The following NKAIN2 variants were observed in gnomAD, a reference collection of about 807,000 sequenced individuals.
The protein encoded by NKAIN2 is sodium/potassium-transporting ATPase subunit beta-1-interacting protein 2.
A neutral mutation model predicts 32.6 loss-of-function variants in NKAIN2; 14 were observed. That is an observed-to-expected ratio of 0.43 (90% CI 0.28 to 0.67). NKAIN2 has a LOEUF of 0.67. Ranked by LOEUF, NKAIN2 falls within the 30% of genes least tolerant of loss-of-function variation. NKAIN2 has a pLI of 0.17. For missense variants in NKAIN2, 198 were observed against 258.3 expected (o/e 0.77, Z 1.60); for synonymous variants, 80 against 87.2 (o/e 0.92, Z 0.46).
chr6:124,352,282 T>TAA (rs2115133184), intron 2 of NKAIN2, among the ~76,000 whole-genome samples: 1 of 152,324 alleles, frequency 6.6e-6, no homozygotes, highest in South Asian at 2.1e-4. Flanking sequence ...ACTTGATTTT[T>TAA]AACCAAACTA....
At chr6:124,700,939 A>G (rs1321388894) in intron 4 of NKAIN2, among the ~76,000 whole-genome samples, 1 of 149,102 alleles carries the variant, frequency 6.7e-6, no homozygotes, top group Admixed American at 6.7e-5. Context: ...GTATGCGTGA[A>G]TATAGAAAAT....
intron 3 of NKAIN2, among the ~76,000 whole-genome samples, chr6:124,608,213 G>A (rs1416089358): frequency 6.6e-6 from 1 of 152,060 alleles, no homozygotes; most frequent in Non-Finnish European, 1.5e-5. Context: ...TCTTACCCAT[G>A]TTGTTTGTTT....
chr6:123,829,840 T>C (rs1263353111), intron 1 of NKAIN2, among the ~76,000 whole-genome samples: 1 of 152,208 alleles, frequency 6.6e-6, no homozygotes, highest in Non-Finnish European at 1.5e-5. Context: ...TAACTAATCA[T>C]GCAGACAAAC....
intron 1 of NKAIN2, among the ~76,000 whole-genome samples, chr6:124,099,129 G>A (rs901689147): frequency 1.1e-4 from 17 of 151,988 alleles, no homozygotes; most frequent in Admixed American, 7.9e-4. Context: ...CTATGTTGAA[G>A]AAAATATACA....
intron 3 of NKAIN2, among the ~76,000 whole-genome samples, chr6:124,592,438 C>A (rs116673682): frequency 0.014 from 2,202 of 152,190 alleles, 63 homozygotes; most frequent in African/African-American, 0.05. Context: ...ATTTACAGGC[C>A]ACTATTTAAA....
chr6:124,312,669 C>A (rs187416550), intron 2 of NKAIN2, among the ~76,000 whole-genome samples: 2 of 152,100 alleles, frequency 1.3e-5, no homozygotes, highest in Non-Finnish European at 2.9e-5. Flanking sequence ...GTGTCCTCTT[C>A]GGTCTTTTAT....
intron 1 of NKAIN2, among the ~76,000 whole-genome samples, chr6:124,262,474 A>G (rs1398424467): frequency 6.6e-6 from 1 of 152,220 alleles, no homozygotes; most frequent in Admixed American, 6.5e-5. Context: ...TGTCTTCTAA[A>G]GAAAAGTTGG....
chr6:124,590,611 A>G (rs1210150531), intron 3 of NKAIN2, among the ~76,000 whole-genome samples: 2 of 152,180 alleles, frequency 1.3e-5, no homozygotes, highest in Non-Finnish European at 2.9e-5. Context: ...GGCAAGCATC[A>G]TGGTGGCATT....
chr6:124,655,376 G>C (rs547754233), intron 3 of NKAIN2, among the ~76,000 whole-genome samples: 1 of 151,968 alleles, frequency 6.6e-6, no homozygotes, highest in East Asian at 1.9e-4. Context: ...TTGTTTTAAT[G>C]GTATATGTTT....
intron 4 of NKAIN2, among the ~76,000 whole-genome samples, chr6:124,723,511 T>C (rs1451408581): frequency 1.3e-5 from 2 of 152,264 alleles, no homozygotes; most frequent in Non-Finnish European, 2.9e-5. Flanking sequence ...TTGAGGCTTT[T>C]AGATTGACTA....
At chr6:124,101,932 C>T (rs1042942978) in intron 1 of NKAIN2, among the ~76,000 whole-genome samples, 1 of 152,154 alleles carries the variant, frequency 6.6e-6, no homozygotes, top group Non-Finnish European at 1.5e-5. Context: ...TAGGGCAAAA[C>T]TTCCTGGGAT....
At chr6:124,268,344 G>C (rs1252519446) in intron 1 of NKAIN2, among the ~76,000 whole-genome samples, 1 of 152,172 alleles carries the variant, frequency 6.6e-6, no homozygotes, top group Non-Finnish European at 1.5e-5. Flanking sequence ...GCTTTAGAGA[G>C]TTCCTAAGCA....
At chr6:124,418,104 C>T (rs929723369) in intron 3 of NKAIN2, among the ~76,000 whole-genome samples, 3 of 151,596 alleles carry the variant, frequency 2.0e-5, no homozygotes, top group Non-Finnish European at 4.4e-5. Flanking sequence ...TATATTTCAG[C>T]TTCGCTTTCA....
chr6:124,577,789 A>G (rs1277188320), intron 3 of NKAIN2, among the ~76,000 whole-genome samples: 1 of 152,114 alleles, frequency 6.6e-6, no homozygotes, highest in Non-Finnish European at 1.5e-5. Flanking sequence ...TCACAGCTCT[A>G]GGAGAGACTC....
intron 3 of NKAIN2, among the ~76,000 whole-genome samples, chr6:124,481,157 C>G (rs910138732): frequency 6.9e-6 from 1 of 144,084 alleles, no homozygotes; most frequent in African/African-American, 2.6e-5. Flanking sequence ...GATTTCCTGG[C>G]AGGTTAGAGT....
At chr6:124,390,012 A>T (rs911886737) in intron 3 of NKAIN2, among the ~76,000 whole-genome samples, 1 of 152,032 alleles carries the variant, frequency 6.6e-6, no homozygotes, top group Non-Finnish European at 1.5e-5. Flanking sequence ...CTGAAGGCTT[A>T]GGTTATGTTA....
At chr6:124,527,338 A>G (rs1045466653) in intron 3 of NKAIN2, among the ~76,000 whole-genome samples, 3 of 152,178 alleles carry the variant, frequency 2.0e-5, no homozygotes, top group Non-Finnish European at 4.4e-5. Flanking sequence ...TTACGTTTTT[A>G]TTTTAAGCCC....
At chr6:123,917,162 C>G (rs146974729) in intron 1 of NKAIN2, among the ~76,000 whole-genome samples, 1 of 151,986 alleles carries the variant, frequency 6.6e-6, no homozygotes, top group Non-Finnish European at 1.5e-5. Context: ...GACTTTGCAA[C>G]TTTCTCTAAA....
At chr6:124,163,925 G>A (rs961050731) in intron 1 of NKAIN2, among the ~76,000 whole-genome samples, 3 of 151,930 alleles carry the variant, frequency 2.0e-5, no homozygotes, top group African/African-American at 7.2e-5. Context: ...GCAGAAAGAC[G>A]AATAGAGAGC....
Sources: gnomAD v4.1 joint callset for allele counts (sites outside exome capture counted in the v4.1 genomes callset) on GRCh38, gnomAD v4.1.1 for gene constraint, MANE v1.5 for transcripts, NCBI Gene and HGNC (gene_info 2026-07-23, HGNC 2026-07-21) for gene names.